The following MYH7B variants were observed in gnomAD, a reference collection of about 807,000 sequenced individuals.
MYH7B encodes myosin heavy chain 7B.
In MYH7B, 205 loss-of-function variants were observed where a neutral mutation model predicts 234.5. The ratio of observed to expected loss-of-function variants is 0.87; its 90% CI spans 0.78 to 0.98. The LOEUF (loss-of-function observed/expected upper bound fraction) is 0.98. Ranked by LOEUF, MYH7B falls within the 50% of genes least tolerant of loss-of-function variation. The pLI is 0.00. For missense variants in MYH7B, 2,652 were observed against 2,633.4 expected, an observed-to-expected ratio of 1.01 and a Z score of -0.15; for synonymous variants, 1,193 against 1,105.0, an observed-to-expected ratio of 1.08 and a Z score of -1.58.
At chr20:34,988,410 T>C (rs1339827141) in intron 19 of MYH7B, 148 bp downstream of exon 19, 10 of 925,842 alleles carry the variant, frequency 1.1e-5, no homozygotes, top group African/African-American at 1.0e-4. Flanking sequence ...GTGAGTGTAG[T>C]TGTGACAGCG....
intron 2 of MYH7B, among the ~76,000 whole-genome samples, chr20:34,973,945 G>A (rs535575814): frequency 1.5e-3 from 214 of 140,448 alleles, no homozygotes; most frequent in Non-Finnish European, 2.8e-3. Flanking sequence ...TTTTTTTTGA[G>A]ACGGAGTCTT....
chr20:34,981,319 C>T lies in MYH7B; in HGVS notation c.527+259C>T, dbSNP rs555910169. On this transcript the variant is annotated intron_variant, in intron 9 of 44. Coordinates refer to ENST00000262873, the Ensembl canonical transcript of MYH7B. ...CCACCAGCCCCACACCTCCTCTCCC[C>T]GGGGCCTGGAATCTCCCACCTTGAT... 5.4e-5 allele frequency: 24 copies of T among 445,690 alleles called. 1 individual carries two copies. In the South Asian group the frequency reaches 7.3e-4, roughly 13 times the overall value. The allele number at this position is 445,690 out of a possible 1,614,324, so 27.6% of individuals were successfully genotyped here. A position where few individuals can be genotyped will look rare whatever the true frequency, so the allele number is the denominator to read the frequency against.
rs1414844333 is a variant in MYH7B, at chr20:35,002,171, C to T, written c.5815-6C>T. On this transcript the variant is annotated splice_region_variant and splice_polypyrimidine_tract_variant and intron_variant, in intron 44 of 44. Transcript: ENST00000262873. ...ACTGCTCACTCAGCTATCCCTTTCT[C>T]CTCAGCACAAGGAGTGACGGCCTGA... is the stretch of plus-strand genomic sequence containing the variant. 1 of 1,571,618 alleles carries T rather than the reference C, an allele frequency of 6.4e-7. No individual in the cohort carries two copies. Among genetic ancestry groups the T allele is most frequent in the East Asian group, 2.3e-5 (1 of 44,402 alleles).
intron 27 of MYH7B, 23 bp from the exon 28 acceptor site, chr20:34,995,313 G>GC: frequency 6.2e-7 from 1 of 1,607,158 alleles, no homozygotes; most frequent in Non-Finnish European, 8.5e-7. Flanking sequence ...CCCCAACCTG[G>GC]CCCCGTTCCG....
At chr20:34,985,257 T>C in intron 13 of MYH7B, 128 bp downstream of exon 13, 1 of 850,422 alleles carries the variant, frequency 1.2e-6, no homozygotes, top group African/African-American at 1.7e-5. Context: ...CCCTGGCTGC[T>C]GCCCAGCTCA....
At chr20:34,980,624 T>C in exon 8 of MYH7B, 1 of 1,614,114 alleles carries the variant, frequency 6.2e-7, no homozygotes, top group Non-Finnish European at 8.5e-7. Context: ...TACAAATGGC[T>C]CCCAGTCTAT....
chr20:35,001,728 C>A, intron 43 of MYH7B: 1 of 860,664 alleles, frequency 1.2e-6, no homozygotes, highest in East Asian at 2.7e-5. Context: ...CTGGCCAAGG[C>A]TGGGGCTGCC....
rs546211279 is a variant in MYH7B, at chr20:34,972,087, G to A, written c.-221-3313G>A. Among the ~76,000 whole-genome samples the A allele has an allele frequency of 5.9e-5, 9 of 152,232 alleles. No homozygotes were observed. The East Asian group carries it at 9.6e-4, about 16-fold the overall frequency. On this transcript the variant is annotated intron_variant, in intron 2 of 44. Coordinates refer to ENST00000262873, the Ensembl canonical transcript of MYH7B. ...CCGGGTGACAGCAGCAGCTCGCCCC[G>A]CTGCCTCCCCTGCCCCTTCCAAGCC... is the stretch of plus-strand genomic sequence containing the variant.
rs1469173555 is a variant in MYH7B, at chr20:34,980,676, A to G, written c.441A>G (p.Ser147=). The change falls in exon 8 of 45, where the codon TCA becomes TCG. Residue 147 remains serine, a synonymous_variant. Transcript: ENST00000262873. ...CTGCTTACAAGGGAAAGCGCCGCTC[A>G]GATTCCCCGCCCCATATATATGCGG... 4 of 1,614,100 alleles carry G rather than the reference A, an allele frequency of 2.5e-6. No homozygotes were observed. In the African/African-American group the frequency reaches 5.3e-5, roughly 22 times the overall value.
At chr20:34,974,624 G>C (rs983678686) in intron 2 of MYH7B, among the ~76,000 whole-genome samples, 1 of 152,116 alleles carries the variant, frequency 6.6e-6, no homozygotes, top group African/African-American at 2.4e-5. Flanking sequence ...CTTGCTAGAG[G>C]TTCTGATTCT....
chr20:34,974,340 G>C (rs1489141544), intron 2 of MYH7B, among the ~76,000 whole-genome samples: 2 of 148,986 alleles, frequency 1.3e-5, no homozygotes, highest in Non-Finnish European at 3.0e-5. Flanking sequence ...AAAGTGCTGG[G>C]ATTACAAGCT....
intron 13 of MYH7B, among the ~76,000 whole-genome samples, 200 bp from the exon 14 acceptor site, chr20:34,985,900 G>C (rs939493542): frequency 2.6e-5 from 4 of 152,252 alleles, no homozygotes; most frequent in South Asian, 2.1e-4. Flanking sequence ...TCTGGCCAGA[G>C]ACACAGACAC....
chr20:34,985,146 C>T lies in MYH7B; in HGVS notation c.805+17C>T, dbSNP rs775777163. On this transcript the variant is annotated intron_variant, in intron 13 of 44. Coordinates refer to ENST00000262873, the Ensembl canonical transcript of MYH7B. ...TTGACAGCTGTGAGTCAACCCCCTG[C>T]GGGCGGTGCAGGGGAAGGAGGCCTG... is the stretch of plus-strand genomic sequence containing the variant. 24 of 1,612,794 alleles carry T rather than the reference C, an allele frequency of 1.5e-5. No homozygotes were observed. The highest frequency in any genetic ancestry group is 1.3e-4 in the East Asian group (6 of 44,864).
At chr20:34,993,549 A>G in intron 26 of MYH7B, 79 bp downstream of exon 26, 1 of 1,407,950 alleles carries the variant, frequency 7.1e-7, no homozygotes, top group Non-Finnish European at 9.4e-7. Flanking sequence ...TCCCAACCCT[A>G]ACATGCTGCC....
chr20:35,002,279 C>T, exon 45 of MYH7B: 4 of 1,420,320 alleles, frequency 2.8e-6, no homozygotes, highest in Non-Finnish European at 3.8e-6. Flanking sequence ...TCTGCATCGC[C>T]CCCTGCTGCC....
chr20:34,990,763 A>G (rs894294732), exon 23 of MYH7B: 5 of 1,614,004 alleles, frequency 3.1e-6, no homozygotes, highest in Non-Finnish European at 4.2e-6. Context: ...CTGATGACCA[A>G]CCTGCGGGCC....
At position 34,998,495 on chromosome 20, in the gene MYH7B, G is replaced by T; in HGVS notation, c.3875-16G>T. Reference sequence around the variant, plus strand: ...CCTCACCAGCCTGACCTGTCCGCTCGCCTCTTTGCCTGCAGGGGAGCTGAG... The same window carrying T: ...CCTCACCAGCCTGACCTGTCCGCTCTCCTCTTTGCCTGCAGGGGAGCTGAG... On this transcript the variant is annotated splice_polypyrimidine_tract_variant and intron_variant, in intron 33 of 44. Coordinates refer to ENST00000262873, the Ensembl canonical transcript of MYH7B. The T allele has an allele frequency of 6.2e-7, 1 of 1,613,252 alleles. No individual in the cohort carries two copies.
In MYH7B at chr20:34,987,667, G is replaced by A. The variant is rs1362602750; in HGVS notation, c.1258G>A (p.Val420Met). Residue 420 changes from valine (V) to methionine (M), a missense_variant, in exon 17 of 45, where the codon GTG becomes ATG. Coordinates refer to ENST00000262873, the Ensembl canonical transcript of MYH7B. ...CGAGTACGTGACCAAGGGCCAGAGT[G>A]TGGAGCAGGTGAGCTGCCTGCAGGC... 6 of 1,612,934 alleles carry A rather than the reference G, an allele frequency of 3.7e-6. No individual in the cohort carries two copies. The South Asian group carries it at 6.6e-5, about 18-fold the overall frequency.
chr20:34,975,104 T>TA (rs1006381660), intron 2 of MYH7B, among the ~76,000 whole-genome samples: 1 of 152,016 alleles, frequency 6.6e-6, no homozygotes, highest in Non-Finnish European at 1.5e-5. Flanking sequence ...AGAGTCGGTA[T>TA]AAAAAAAATA....
Sources: gnomAD v4.1 joint callset for allele counts (sites outside exome capture counted in the v4.1 genomes callset) on GRCh38, gnomAD v4.1.1 for gene constraint, MANE v1.5 for transcripts, NCBI Gene and HGNC (gene_info 2026-07-23, HGNC 2026-07-21) for gene names.